Variants in KHDRBS2 observed in about 807,000 individuals in gnomAD.
The protein encoded by KHDRBS2 is KH domain-containing, RNA-binding, signal transduction-associated protein 2.
A neutral mutation model predicts 44.3 loss-of-function variants in KHDRBS2; 26 were observed. That is an observed-to-expected ratio of 0.59 (90% CI 0.43 to 0.81). KHDRBS2 has a LOEUF of 0.81. KHDRBS2 is among the 40% of genes least tolerant of loss of function. KHDRBS2 has a pLI of 0.00. For missense variants in KHDRBS2, 476 were observed against 433.1 expected (o/e 1.10, Z -0.88); for synonymous variants, 194 against 151.1 (o/e 1.28, Z -2.08).
the KHDRBS2 span, among the ~76,000 whole-genome samples, chr6:61,642,630 C>T: frequency 6.7e-6 from 1 of 149,538 alleles, no homozygotes; most frequent in African/African-American, 2.5e-5. Flanking sequence ...CAATGTACTC[C>T]AGCCTGGGTG....
At chr6:62,048,018 G>A in intron 2 of KHDRBS2, 24 bp from the exon 3 acceptor site, 1 of 1,240,626 alleles carries the variant, frequency 8.1e-7, no homozygotes, top group South Asian at 1.2e-5. Flanking sequence ...TCAATAGAAT[G>A]TCTGTTTTAA....
At chr6:61,729,183 T>C (rs1389198084) in intron 7 of KHDRBS2, among the ~76,000 whole-genome samples, 1 of 152,042 alleles carries the variant, frequency 6.6e-6, no homozygotes, top group Non-Finnish European at 1.5e-5. Context: ...TGTAGGCACA[T>C]GGATGGAGCT....
rs1326898804 is a variant in KHDRBS2 at position 62,286,077 on chromosome 6, C to T, written c.-129G>A. 2.7e-5 allele frequency: 18 copies of T among 671,294 alleles called. No homozygotes were observed. Among genetic ancestry groups the T allele is most frequent in the Non-Finnish European group, 2.9e-5 (11 of 374,924 alleles). The allele number at this position is 671,294 out of a possible 1,614,324, so 41.6% of individuals were successfully genotyped here. A position where few individuals can be genotyped will look rare whatever the true frequency, so the allele number is the denominator to read the frequency against. Reference sequence around the variant, plus strand: ...GCGCGGCGAGGGATCTCTGTGCGTCCTCACTGGCCCATGCACCCAGCACCT... The same window carrying T: ...GCGCGGCGAGGGATCTCTGTGCGTCTTCACTGGCCCATGCACCCAGCACCT... On this transcript the variant is annotated 5_prime_UTR_variant, in exon 1 of 9. Coordinates refer to ENST00000281156, the MANE Select transcript of KHDRBS2 (RefSeq NM_152688.4).
chr6:61,806,080 A>G (rs1367747838), intron 6 of KHDRBS2, among the ~76,000 whole-genome samples: 2 of 152,164 alleles, frequency 1.3e-5, no homozygotes, highest in African/African-American at 4.8e-5. Flanking sequence ...ATTTACAACA[A>G]TATTTCATAT....
chr6:61,595,002 C>A, the KHDRBS2 span, among the ~76,000 whole-genome samples: 1 of 152,054 alleles, frequency 6.6e-6, no homozygotes, highest in Admixed American at 6.6e-5. Flanking sequence ...AATCAAAAGA[C>A]ATAACAAAAT....
At chr6:61,796,913 T>A (rs568080805) in intron 6 of KHDRBS2, among the ~76,000 whole-genome samples, 75 of 152,232 alleles carry the variant, frequency 4.9e-4, no homozygotes, top group African/African-American at 1.8e-3. Flanking sequence ...CTCTGTAAAA[T>A]CCTGATAGTG....
intron 4 of KHDRBS2, among the ~76,000 whole-genome samples, chr6:61,953,677 G>A (rs374088014): frequency 4.9e-4 from 75 of 152,032 alleles, no homozygotes; most frequent in African/African-American, 1.6e-3. Flanking sequence ...ATTTTTCTGC[G>A]GGAAAATAAA....
chr6:62,057,046 G>T (rs1307637146), intron 2 of KHDRBS2, among the ~76,000 whole-genome samples: 1 of 151,948 alleles, frequency 6.6e-6, no homozygotes, highest in East Asian at 1.9e-4. Context: ...GTAGAATGAA[G>T]ATGTTGTATA....
chr6:62,188,723 G>A (rs1442484751), intron 1 of KHDRBS2, among the ~76,000 whole-genome samples: 2 of 152,274 alleles, frequency 1.3e-5, no homozygotes, highest in East Asian at 3.9e-4. Context: ...TGTGTTTAGT[G>A]TGGCATGAAT....
chr6:62,094,852 C>A (rs766827908), intron 2 of KHDRBS2, among the ~76,000 whole-genome samples: 8 of 151,672 alleles, frequency 5.3e-5, no homozygotes, highest in African/African-American at 9.7e-5. Flanking sequence ...GCATTTTTTG[C>A]CCAAAATAAG....
At position 62,093,461 on chromosome 6, in the gene KHDRBS2, T is replaced by A. The variant is rs1272604243; in HGVS notation, c.220-45467A>T. On this transcript the variant is annotated intron_variant, in intron 2 of 8. Coordinates refer to ENST00000281156, the MANE Select transcript of KHDRBS2 (RefSeq NM_152688.4). Reference sequence around the variant, plus strand: ...CAGGGTAATTAGCATGTCCATCACCTTAAACATTTATCATTTCTTTGTAAT... The same window carrying A: ...CAGGGTAATTAGCATGTCCATCACCATAAACATTTATCATTTCTTTGTAAT... Among the ~76,000 whole-genome samples the A allele has an allele frequency of 2.6e-5, 4 of 151,970 alleles. No individual in the cohort carries two copies. The East Asian group carries it at 7.7e-4, about 29-fold the overall frequency.
intron 7 of KHDRBS2, among the ~76,000 whole-genome samples, chr6:61,725,957 C>T (rs1055136521): frequency 1.1e-4 from 16 of 152,110 alleles, no homozygotes; most frequent in Non-Finnish European, 1.9e-4. Flanking sequence ...ATGAGGCTGG[C>T]ATCATCCTGA....
At chr6:61,835,151 G>A (rs1315360025) in intron 6 of KHDRBS2, among the ~76,000 whole-genome samples, 1 of 152,028 alleles carries the variant, frequency 6.6e-6, no homozygotes, top group Non-Finnish European at 1.5e-5. Context: ...GAATTTTGGA[G>A]CTTTTAACCT....
At chr6:61,596,338 A>T in the KHDRBS2 span, among the ~76,000 whole-genome samples, 1 of 152,236 alleles carries the variant, frequency 6.6e-6, no homozygotes, top group East Asian at 1.9e-4. Flanking sequence ...AAAAATTTTA[A>T]ATTATTTTTA....
chr6:61,903,080 A>G (rs1804353235), intron 4 of KHDRBS2, among the ~76,000 whole-genome samples: 1 of 152,234 alleles, frequency 6.6e-6, no homozygotes, highest in East Asian at 1.9e-4. Context: ...CAAGCCATAT[A>G]TTATTCAATT....
At chr6:62,173,366 A>C (rs913561122) in intron 2 of KHDRBS2, among the ~76,000 whole-genome samples, 15 of 152,062 alleles carry the variant, frequency 9.9e-5, no homozygotes, top group African/African-American at 3.6e-4. Flanking sequence ...GGACACATAC[A>C]ACCTCCCAAG....
chr6:61,837,189 T>A (rs1792826805), intron 6 of KHDRBS2, among the ~76,000 whole-genome samples: 1 of 152,032 alleles, frequency 6.6e-6, no homozygotes, highest in Admixed American at 6.6e-5. Flanking sequence ...TCAGGACGTA[T>A]CTCATTCTAT....
chr6:61,663,925 A>T, the KHDRBS2 span, among the ~76,000 whole-genome samples: 1 of 151,646 alleles, frequency 6.6e-6, no homozygotes, highest in African/African-American at 2.4e-5. Context: ...AAAAATGTAC[A>T]CTCATGTAAA....
At chr6:62,034,704 A>C (rs1562690230) in intron 3 of KHDRBS2, among the ~76,000 whole-genome samples, 1 of 151,096 alleles carries the variant, frequency 6.6e-6, no homozygotes. Flanking sequence ...AAAAAAAAAA[A>C]AAAAAAAAAA....
Sources: allele counts gnomAD v4.1 joint callset (sites outside exome capture counted in the v4.1 genomes callset), GRCh38; gene constraint gnomAD v4.1.1; transcripts MANE v1.5; gene names NCBI Gene and HGNC (gene_info 2026-07-23, HGNC 2026-07-21).